Variants in AGAP1 observed in about 807,000 individuals in gnomAD.
AGAP1 encodes the protein ArfGAP with GTPase domain, ankyrin repeat and PH domain 1, also known as arf-GAP with GTPase, ANK repeat and PH domain-containing protein 1.
A neutral mutation model predicts 105.3 loss-of-function variants in AGAP1; 29 were observed. The ratio of observed to expected loss-of-function variants is 0.28; its 90% CI spans 0.21 to 0.38. The LOEUF is 0.38. Ranked by LOEUF, AGAP1 falls within the 10% of genes least tolerant of loss-of-function variation. The probability of loss-of-function intolerance (pLI) is 1.00; values close to 1 mark genes in which losing one functional copy is unlikely to be tolerated. For synonymous variants in AGAP1, 509 were observed against 485.9 expected, an observed-to-expected ratio of 1.05 and a Z score of -0.63; for missense variants, 998 against 1,165.1, an observed-to-expected ratio of 0.86 and a Z score of 2.09.
Position 235,919,352 on chromosome 2 carries a change from G to T in AGAP1, c.1324+10446G>T, listed in dbSNP as rs772535544. Among the ~76,000 whole-genome samples, 66 of 152,162 alleles carry T rather than the reference G, an allele frequency of 4.3e-4. No homozygotes were observed. The highest frequency in any genetic ancestry group is 7.6e-4 in the Non-Finnish European group (52 of 68,028). ...CATTTTTCCATCTCGAAACCTTGTG[G>T]CCCATTGTTTTGAGTTACCACTCAT... On this transcript the variant is annotated intron_variant, in intron 11 of 17. Coordinates refer to ENST00000304032, the MANE Select transcript of AGAP1 (RefSeq NM_001037131.3). The surrounding 1 kb of genome is among the most constrained non-coding windows in gnomAD (Gnocchi z 4.1).
chr2:235,670,172 A>T (rs1575079335), intron 1 of AGAP1: 1 of 583,580 alleles, frequency 1.7e-6, no homozygotes, highest in South Asian at 1.7e-5. Flanking sequence ...GACGCCCCCC[A>T]GAAAGACTGT....
chr2:235,662,106 C>T lies in AGAP1; in HGVS notation c.164-47073C>T, dbSNP rs185028038. Among the ~76,000 whole-genome samples the T allele has an allele frequency of 3.5e-4, 53 of 152,306 alleles. No homozygotes were observed. The East Asian group carries it at 7.7e-3, about 22-fold the overall frequency. ...AGACCATGGCGCTGAGGAGGCGGCA[C>T]GGCCTGGCCCTCCACCTCCAAGCTG... is the stretch of plus-strand genomic sequence containing the variant. On this transcript the variant is annotated intron_variant, in intron 1 of 17. Transcript: ENST00000304032. This position sits in a 1 kb window ranked among gnomAD's most constrained non-coding sequence, Gnocchi z 4.2.
At chr2:235,870,967 A>G (rs886352222) in intron 9 of AGAP1, among the ~76,000 whole-genome samples, 4 of 152,224 alleles carry the variant, frequency 2.6e-5, no homozygotes, top group African/African-American at 9.7e-5. Context: ...CTTTGTGTCA[A>G]ATCATAATCT....
At position 235,981,061 on chromosome 2, in the gene AGAP1, TA is replaced by T. The variant is rs1435021217; in HGVS notation, c.1645+12439del. 1.3e-5 allele frequency among the ~76,000 whole-genome samples: 2 copies of T among 152,184 alleles called. No individual in the cohort carries two copies. The highest frequency in any genetic ancestry group is 2.9e-5 in the Non-Finnish European group (2 of 68,028). On this transcript the variant is annotated intron_variant, in intron 13 of 17. Coordinates refer to ENST00000304032, the MANE Select transcript of AGAP1 (RefSeq NM_001037131.3). The surrounding 1 kb of genome is among the most constrained non-coding windows in gnomAD (Gnocchi z 5.5). ...GATTAGGAAAACTTCTAAGGTGTTT[TA>T]TTTTTTTGTTTTAACATTTTGTGCA...
intron 1 of AGAP1, among the ~76,000 whole-genome samples, chr2:235,597,290 T>C (rs185306784): frequency 6.6e-6 from 1 of 152,306 alleles, no homozygotes; most frequent in Non-Finnish European, 1.5e-5. Flanking sequence ...GTGAATGTTG[T>C]GTGCTCAGGG....
At chr2:235,613,178 T>C (rs1435258491) in intron 1 of AGAP1, among the ~76,000 whole-genome samples, 3 of 152,142 alleles carry the variant, frequency 2.0e-5, no homozygotes, top group Non-Finnish European at 2.9e-5. Flanking sequence ...GTATTTTTAG[T>C]AGAGACTGGA....
At chr2:235,945,089 T>C (rs2053426218) in intron 12 of AGAP1, among the ~76,000 whole-genome samples, 1 of 152,234 alleles carries the variant, frequency 6.6e-6, no homozygotes, top group African/African-American at 2.4e-5. Flanking sequence ...TGTGAAGCTT[T>C]TCATTTTTAA....
intron 1 of AGAP1, among the ~76,000 whole-genome samples, chr2:235,536,771 C>T (rs1943252994): frequency 6.6e-6 from 1 of 152,106 alleles, no homozygotes; most frequent in Admixed American, 6.6e-5. Context: ...AGCGGTGAAC[C>T]AGAGAGAGAG....
At chr2:235,746,377 C>CCTTTTTTTTTT (rs1295250993) in intron 5 of AGAP1, among the ~76,000 whole-genome samples, 1 of 55,546 alleles carries the variant, frequency 1.8e-5, no homozygotes, top group African/African-American at 8.0e-5. Context: ...CCTCCCCCAA[C>CCTTTTTTTTTT]TTTTTTTTTT....
At chr2:235,894,634 T>TACACACACATAC (rs1382516784) in intron 10 of AGAP1, among the ~76,000 whole-genome samples, 5,392 of 24,204 alleles carry the variant, frequency 0.22, 294 homozygotes, top group African/African-American at 0.34. Flanking sequence ...CATGCACATG[T>TACACACACATAC]ACACACACAC....
rs1398584158 is a variant in AGAP1 at position 235,959,021 on chromosome 2, G to A, written c.1484-9441G>A. ...GACATTGAATGTGCGGGATGGTGCC[G>A]GCCCATCCCGGCTCAGCGCCGCGCA... On this transcript the variant is annotated intron_variant, in intron 12 of 17. Transcript: ENST00000304032. This position sits in a 1 kb window ranked among gnomAD's most constrained non-coding sequence, Gnocchi z 7.3. Among the ~76,000 whole-genome samples the A allele has an allele frequency of 1.3e-5, 2 of 152,200 alleles. No individual in the cohort carries two copies. The highest frequency in any genetic ancestry group is 2.4e-5 in the African/African-American group (1 of 41,454).
intron 12 of AGAP1, among the ~76,000 whole-genome samples, chr2:235,949,542 G>C (rs1177432973): frequency 1.3e-5 from 2 of 152,116 alleles, no homozygotes; most frequent in East Asian, 3.9e-4. Flanking sequence ...GAACAGATCT[G>C]CTTAAATCCC....
rs910303595 is a variant in AGAP1 at position 235,744,487 on chromosome 2, A to G, written c.397-211A>G. ...TGGGTGGGAACAGGATGAAGGGCCC[A>G]TTCCCAAGGGGAACACCAGGCATGG... is the stretch of plus-strand genomic sequence containing the variant. On this transcript the variant is annotated intron_variant, in intron 4 of 17. Transcript: ENST00000304032. The surrounding 1 kb of genome is among the most constrained non-coding windows in gnomAD (Gnocchi z 5.2). 3.9e-5 allele frequency among the ~76,000 whole-genome samples: 6 copies of G among 152,168 alleles called. No individual in the cohort carries two copies. The highest frequency in any genetic ancestry group is 5.9e-5 in the Non-Finnish European group (4 of 68,032).
chr2:235,532,925 A>C (rs1282440326), intron 1 of AGAP1, among the ~76,000 whole-genome samples: 1 of 152,118 alleles, frequency 6.6e-6, no homozygotes, highest in Non-Finnish European at 1.5e-5. Context: ...ATGTTGGCAA[A>C]TGGGGCTTTC....
At chr2:235,802,907 TG>T (rs1957590296) in intron 8 of AGAP1, among the ~76,000 whole-genome samples, 1 of 142,762 alleles carries the variant, frequency 7.0e-6, no homozygotes, top group South Asian at 2.4e-4. Flanking sequence ...ATGGTTGTGA[TG>T]GTGTGATGGT....
At chr2:235,628,251 G>A (rs1244518338) in intron 1 of AGAP1, among the ~76,000 whole-genome samples, 1 of 152,134 alleles carries the variant, frequency 6.6e-6, no homozygotes, top group East Asian at 1.9e-4. Context: ...TCAGAGACTC[G>A]GCAACTCAGC....
At chr2:235,952,841 C>T (rs1335848684) in intron 12 of AGAP1, among the ~76,000 whole-genome samples, 3 of 152,188 alleles carry the variant, frequency 2.0e-5, no homozygotes, top group African/African-American at 7.2e-5. Context: ...GCCCCAGGGC[C>T]TTCTGTTCAG....
rs2059427186 is a variant in AGAP1, at chr2:236,104,168, T to G, written c.2115-16024T>G. On this transcript the variant is annotated intron_variant, in intron 16 of 17. Coordinates refer to ENST00000304032, the MANE Select transcript of AGAP1 (RefSeq NM_001037131.3). This position sits in a 1 kb window ranked among gnomAD's most constrained non-coding sequence, Gnocchi z 4.7. ...AAGGCGGGAGGCCTGTGTAAAGGCC[T>G]GCAGGAAGAGGCTGAGGGCCCGCTC... Among the ~76,000 whole-genome samples the G allele has an allele frequency of 6.6e-6, 1 of 152,254 alleles. No individual in the cohort carries two copies. The highest frequency in any genetic ancestry group is 1.5e-5 in the Non-Finnish European group (1 of 68,046).
In AGAP1 at chr2:236,128,569, C is replaced by T. The variant is rs2060039354; in HGVS notation, c.*4447C>T. On this transcript the variant is annotated 3_prime_UTR_variant, in exon 18 of 18. Coordinates refer to ENST00000304032, the MANE Select transcript of AGAP1 (RefSeq NM_001037131.3). The surrounding 1 kb of genome is among the most constrained non-coding windows in gnomAD (Gnocchi z 5.9). ...GTGTTTTGTGCTTGAACTTGGTGGA[C>T]TCATCTTACCCCACAAGAGTGGCCT... 1 of 152,258 alleles carries T rather than the reference C, an allele frequency of 6.6e-6. No homozygotes were observed. The highest frequency in any genetic ancestry group is 2.1e-4 in the South Asian group (1 of 4,828). The allele number at this position is 152,258 out of a possible 1,614,324, so 9.4% of individuals were successfully genotyped here.
Sources: gnomAD v4.1 joint callset for allele counts (sites outside exome capture counted in the v4.1 genomes callset) on GRCh38, gnomAD v4.1.1 for gene constraint, Gnocchi (gnomAD v3.1) non-coding constraint, MANE v1.5 for transcripts, NCBI Gene and HGNC (gene_info 2026-07-23, HGNC 2026-07-21) for gene names.